The following FBN1 variants were observed in gnomAD, a reference collection of about 807,000 sequenced individuals.
The protein encoded by FBN1 is fibrillin-1.
Under a neutral mutation model 365.1 loss-of-function variants are expected in FBN1, and 29 were observed. That is an observed-to-expected ratio of 0.08 (90% CI 0.06 to 0.11). The LOEUF (loss-of-function observed/expected upper bound fraction) is 0.11. Among genes scored for constraint, FBN1 ranks in the 10% least tolerant of loss-of-function variants. The pLI is 1.00. For synonymous variants in FBN1, 1,210 were observed against 1,270.5 expected (o/e 0.95, Z 1.01); for missense variants, 2,476 against 3,703.2 (o/e 0.67, Z 8.60).
At chr15:48,415,500 G>C (rs1566889819) in intron 64 of FBN1, 36 bp downstream of exon 64, 1 of 1,472,522 alleles carries the variant, frequency 6.8e-7, no homozygotes, top group South Asian at 1.1e-5. Flanking sequence ...ACGAATGAAA[G>C]AATCTCCAAC....
At chr15:48,535,212 T>C (rs2044004314) in intron 7 of FBN1, among the ~76,000 whole-genome samples, 1 of 152,174 alleles carries the variant, frequency 6.6e-6, no homozygotes, top group Non-Finnish European at 1.5e-5. Flanking sequence ...CTGGCTCTAA[T>C]CATCCTTCCT....
chr15:48,618,954 G>C lies in FBN1; in HGVS notation c.165-5862C>G, dbSNP rs111291482. 7.9e-5 allele frequency among the ~76,000 whole-genome samples: 12 copies of C among 152,114 alleles called. 1 individual carries two copies. Among genetic ancestry groups the C allele is most frequent in the African/African-American group, 2.9e-4 (12 of 41,498 alleles). ...CTAGTCGCAGGAAAACAAGCTCAAGGCTCCCACTGATTCTACATTACGGTG... is the reference window on the plus strand; with the variant it reads ...CTAGTCGCAGGAAAACAAGCTCAAGCCTCCCACTGATTCTACATTACGGTG... On this transcript the variant is annotated intron_variant, in intron 2 of 65. Coordinates refer to ENST00000316623, the MANE Select transcript of FBN1 (RefSeq NM_000138.5).
At chr15:48,535,579 C>T (rs1283284512) in intron 7 of FBN1, among the ~76,000 whole-genome samples, 1 of 152,136 alleles carries the variant, frequency 6.6e-6, no homozygotes, top group Non-Finnish European at 1.5e-5. Context: ...TTTTTGAAAC[C>T]TGGAAGCTTA....
Position 48,538,365 on chromosome 15 carries a change from C to T in FBN1, c.539-557G>A, listed in dbSNP as rs951857727. The stretch of plus-strand genomic sequence containing the variant: ...TTATCTGTTTCTTTTGAGTTGGGGT[C>T]ATCTTATTTCAAATACAAAACAAGC... On this transcript the variant is annotated intron_variant, in intron 6 of 65. Transcript: ENST00000316623. 5.3e-5 allele frequency among the ~76,000 whole-genome samples: 8 copies of T among 152,236 alleles called. No homozygotes were observed. The South Asian group carries it at 1.0e-3, about 20-fold the overall frequency.
chr15:48,567,501 A>G (rs2044266238), intron 6 of FBN1, among the ~76,000 whole-genome samples: 1 of 152,138 alleles, frequency 6.6e-6, no homozygotes, highest in Non-Finnish European at 1.5e-5. Flanking sequence ...AAGCCAGACG[A>G]AGACATGAAA....
At position 48,497,279 on chromosome 15, in the gene FBN1, C is replaced by T. The variant is rs1233210269; in HGVS notation, c.2280G>A (p.Gly760=). ...CNSGYEVDST[G]KNCVDINECV... is the part of the protein sequence containing the mutation. ...AAAACTTCTCACCAACGCAGTTTTT[C>T]CCAGTTGAATCCACTTCATATCCTG... is the stretch of plus-strand genomic sequence containing the variant. Residue 760 remains glycine (G), a synonymous_variant, in exon 19 of 66, where the codon GGG becomes GGA. Coordinates refer to ENST00000316623, the MANE Select transcript of FBN1 (RefSeq NM_000138.5). The T allele has an allele frequency of 6.2e-6, 10 of 1,614,044 alleles. No individual in the cohort carries two copies. The highest frequency in any genetic ancestry group is 8.5e-6 in the Non-Finnish European group (10 of 1,179,974).
chr15:48,458,325 T>C (rs2043256335), intron 43 of FBN1, among the ~76,000 whole-genome samples: 1 of 151,998 alleles, frequency 6.6e-6, no homozygotes, highest in Non-Finnish European at 1.5e-5. Flanking sequence ...TTTAGACCCT[T>C]TTTAAAAAAG....
At chr15:48,431,092 T>C (rs923048767) in intron 55 of FBN1, among the ~76,000 whole-genome samples, 1 of 151,988 alleles carries the variant, frequency 6.6e-6, no homozygotes, top group Non-Finnish European at 1.5e-5. Flanking sequence ...TTTTATTTAT[T>C]TTTATTTTTA....
At chr15:48,585,506 G>A (rs1431111024) in intron 6 of FBN1, among the ~76,000 whole-genome samples, 1 of 152,106 alleles carries the variant, frequency 6.6e-6, no homozygotes, top group African/African-American at 2.4e-5. Context: ...TTGTTGTCCA[G>A]AATGTCTTTT....
intron 65 of FBN1, 123 bp downstream of exon 65, chr15:48,412,446 A>T: frequency 1.0e-6 from 1 of 979,182 alleles, no homozygotes; most frequent in South Asian, 1.3e-5. Flanking sequence ...GAGCTCAGGG[A>T]ATGTCTGGAG....
intron 2 of FBN1, among the ~76,000 whole-genome samples, chr15:48,623,777 C>T (rs1158283072): frequency 6.6e-6 from 1 of 152,176 alleles, no homozygotes. Flanking sequence ...ACAAGCAGCA[C>T]AAAGGTGTTG....
chr15:48,529,030 A>T (rs1194061530), intron 8 of FBN1: 1 of 152,200 alleles, frequency 6.6e-6, no homozygotes, highest in Non-Finnish European at 1.5e-5. Flanking sequence ...CTCTGTGTTC[A>T]TCTCCTTTTA....
intron 6 of FBN1, among the ~76,000 whole-genome samples, chr15:48,592,958 T>C (rs978242625): frequency 6.6e-6 from 1 of 152,162 alleles, no homozygotes; most frequent in Non-Finnish European, 1.5e-5. Context: ...GTGGCAATGG[T>C]AAAATATATC....
chr15:48,465,918 C>T, intron 38 of FBN1, 60 bp from the exon 39 acceptor site: 1 of 1,167,402 alleles, frequency 8.6e-7, no homozygotes, highest in East Asian at 2.4e-5. Flanking sequence ...GAAATAGTAT[C>T]CTCAAGAGAA....
At chr15:48,520,604 T>C in intron 10 of FBN1, 55 bp downstream of exon 10, 5 of 1,605,394 alleles carry the variant, frequency 3.1e-6, no homozygotes, top group South Asian at 1.1e-5. Flanking sequence ...ACATTGCCAC[T>C]GGGCTTGTGA....
intron 42 of FBN1, among the ~76,000 whole-genome samples, chr15:48,462,441 T>C (rs1367905607): frequency 1.3e-5 from 2 of 152,184 alleles, no homozygotes; most frequent in Non-Finnish European, 2.9e-5. Context: ...TCAAGAAAAG[T>C]TGCACTTTCC....
intron 2 of FBN1, among the ~76,000 whole-genome samples, chr15:48,634,852 A>AAC (rs1555406827): frequency 9.5e-5 from 11 of 116,390 alleles, no homozygotes; most frequent in African/African-American, 5.1e-4. Flanking sequence ...AAAAAAAAAA[A>AAC]AAAACCACAC....
At chr15:48,599,163 A>T (rs1207513002) in intron 5 of FBN1, among the ~76,000 whole-genome samples, 1 of 152,212 alleles carries the variant, frequency 6.6e-6, no homozygotes, top group Non-Finnish European at 1.5e-5. Context: ...TCACTAGGGC[A>T]TTCTCTACAT....
chr15:48,601,509 A>G (rs1469924417), intron 4 of FBN1, among the ~76,000 whole-genome samples: 3 of 152,310 alleles, frequency 2.0e-5, no homozygotes, highest in Non-Finnish European at 4.4e-5. Context: ...GGAGAAGAGA[A>G]TATCTTCTTT....
Sources: allele counts gnomAD v4.1 joint callset (sites outside exome capture counted in the v4.1 genomes callset), GRCh38; gene constraint gnomAD v4.1.1; transcripts MANE v1.5; gene names NCBI Gene and HGNC (gene_info 2026-07-23, HGNC 2026-07-21).